The following ABI2 variants were observed in gnomAD, a reference collection of about 807,000 sequenced individuals.
The protein encoded by ABI2 is abl interactor 2.
Under a neutral mutation model 59.2 loss-of-function variants are expected in ABI2, and 25 were observed. That is an observed-to-expected ratio of 0.42 (90% CI 0.31 to 0.59). The LOEUF (loss-of-function observed/expected upper bound fraction) is 0.59. Ranked by LOEUF, ABI2 falls within the 20% of genes least tolerant of loss-of-function variation. The probability of loss-of-function intolerance (pLI) is 0.14; values close to 1 mark genes in which losing one functional copy is unlikely to be tolerated. For missense variants in ABI2, 545 were observed against 681.8 expected (o/e 0.80, Z 2.23); for synonymous variants, 213 against 235.5 (o/e 0.90, Z 0.87).
chr2:203,393,322 T>C (rs2096844864), intron 5 of ABI2, among the ~76,000 whole-genome samples: 1 of 152,264 alleles, frequency 6.6e-6, no homozygotes, highest in South Asian at 2.1e-4. Flanking sequence ...CCCGAAGTGC[T>C]GGGATTACAG....
Position 203,427,467 on chromosome 2 carries a change from T to C in ABI2, c.*115T>C, listed in dbSNP as rs1427447839. ...AATGAAGGATACAAATGATAAAAAT[T>C]ACACTTTTTTTTTTGGTTTATTCCC... is the stretch of plus-strand genomic sequence containing the variant. On this transcript the variant is annotated 3_prime_UTR_variant, in exon 12 of 12. Coordinates refer to ENST00000261018, the MANE Select transcript of ABI2 (RefSeq NM_001375670.1). 5.8e-6 allele frequency: 6 copies of C among 1,026,978 alleles called. No homozygotes were observed. Among genetic ancestry groups the C allele is most frequent in the Non-Finnish European group, 8.2e-6 (6 of 735,660 alleles). The allele number at this position is 1,026,978 out of a possible 1,614,324, so 63.6% of individuals were successfully genotyped here. A position where few individuals can be genotyped will look rare whatever the true frequency, so the allele number is the denominator to read the frequency against.
At chr2:203,343,770 T>C (rs2081474527) in intron 1 of ABI2, among the ~76,000 whole-genome samples, 1 of 152,216 alleles carries the variant, frequency 6.6e-6, no homozygotes. Flanking sequence ...TCATGTCCTC[T>C]TTGGCCACTA....
intron 1 of ABI2, among the ~76,000 whole-genome samples, chr2:203,343,729 A>C (rs2081442765): frequency 6.6e-6 from 1 of 152,232 alleles, no homozygotes; most frequent in African/African-American, 2.4e-5. Context: ...ATTTGCATAT[A>C]GGCTCTTCTG....
At chr2:203,360,963 G>T (rs998805516) in intron 1 of ABI2, among the ~76,000 whole-genome samples, 1 of 152,176 alleles carries the variant, frequency 6.6e-6, no homozygotes, top group Non-Finnish European at 1.5e-5. Context: ...CGTATGCTCT[G>T]TTTATTCAAG....
intron 10 of ABI2, among the ~76,000 whole-genome samples, chr2:203,414,383 T>C (rs977226041): frequency 3.9e-5 from 6 of 152,170 alleles, no homozygotes; most frequent in African/African-American, 1.4e-4. Context: ...ATTACAGGCG[T>C]GAGCCTCCCC....
intron 1 of ABI2, among the ~76,000 whole-genome samples, chr2:203,332,818 T>C (rs964627641): frequency 6.6e-6 from 1 of 152,196 alleles, no homozygotes; most frequent in Non-Finnish European, 1.5e-5. Flanking sequence ...GCCAACTTGT[T>C]GATATGTACG....
intron 2 of ABI2, among the ~76,000 whole-genome samples, chr2:203,368,521 C>A (rs954858187): frequency 6.6e-6 from 1 of 151,994 alleles, no homozygotes; most frequent in East Asian, 1.9e-4. Flanking sequence ...ATTTGTATAA[C>A]TAGACCAAAT....
chr2:203,344,286 A>G (rs965722757), intron 1 of ABI2, among the ~76,000 whole-genome samples: 4 of 152,318 alleles, frequency 2.6e-5, no homozygotes, highest in Non-Finnish European at 2.9e-5. Context: ...TAAAACCCCA[A>G]CAATGCCAGT....
chr2:203,386,536 G>A, intron 4 of ABI2: 2 of 733,464 alleles, frequency 2.7e-6, no homozygotes, highest in Admixed American at 6.5e-5. Flanking sequence ...AATTATTAGG[G>A]AAGTTTCATA....
At chr2:203,329,974 T>A (rs1559132290) in intron 1 of ABI2, among the ~76,000 whole-genome samples, 1 of 152,194 alleles carries the variant, frequency 6.6e-6, no homozygotes, top group East Asian at 1.9e-4. Context: ...TGACTTCAAG[T>A]CATCCACCCA....
intron 1 of ABI2, among the ~76,000 whole-genome samples, chr2:203,337,361 T>C (rs2076925635): frequency 6.6e-6 from 1 of 152,186 alleles, no homozygotes; most frequent in Admixed American, 6.5e-5. Flanking sequence ...CTACAAACGA[T>C]CTGAAAAATT....
intron 10 of ABI2, among the ~76,000 whole-genome samples, chr2:203,412,451 T>G (rs1459284694): frequency 6.6e-6 from 1 of 152,214 alleles, no homozygotes; most frequent in Non-Finnish European, 1.5e-5. Flanking sequence ...AAGGGCTCAG[T>G]GTCTTTCAGC....
In ABI2 at chr2:203,359,358, G is replaced by C. The variant is rs368216381; in HGVS notation, c.118-7519G>C. Among the ~76,000 whole-genome samples the C allele has an allele frequency of 2.6e-5, 4 of 152,150 alleles. 1 individual carries two copies. The highest frequency in any genetic ancestry group is 1.3e-4 in the Admixed American group (2 of 15,286). ...ATTACATTTTCACTTGAGTTCTTAT[G>C]AGTGATGTCTTAATTTAGAGTATTC... On this transcript the variant is annotated intron_variant, in intron 1 of 11. Coordinates refer to ENST00000261018, the MANE Select transcript of ABI2 (RefSeq NM_001375670.1).
chr2:203,389,084 T>C (rs2096644388), intron 4 of ABI2, among the ~76,000 whole-genome samples: 1 of 152,220 alleles, frequency 6.6e-6, no homozygotes, highest in East Asian at 1.9e-4. Flanking sequence ...ATATGCAGTT[T>C]TAAAAGCTAT....
intron 11 of ABI2, among the ~76,000 whole-genome samples, chr2:203,419,455 G>A (rs1422821301): frequency 2.0e-5 from 3 of 149,450 alleles, no homozygotes; most frequent in African/African-American, 2.5e-5. Context: ...TGCAAGCTCC[G>A]ACTACCGGGT....
intron 3 of ABI2, 52 bp from the exon 4 acceptor site, chr2:203,382,137 T>C: frequency 1.4e-6 from 2 of 1,480,866 alleles, no homozygotes; most frequent in Non-Finnish European, 9.0e-7. Flanking sequence ...TCAACTAACC[T>C]TTCAATGCTT....
In ABI2 at chr2:203,428,712, T is replaced by A. The variant is rs551124329; in HGVS notation, c.*1360T>A. ...TCACTACTGTAGTCAGTATAAGAAA[T>A]GCTGAAAAAAATCCAGGAGGGCTTG... On this transcript the variant is annotated 3_prime_UTR_variant, in exon 12 of 12. Coordinates refer to ENST00000261018, the MANE Select transcript of ABI2 (RefSeq NM_001375670.1). 87 of 152,254 alleles carry A rather than the reference T, an allele frequency of 5.7e-4. No homozygotes were observed. The highest frequency in any genetic ancestry group is 1.9e-3 in the African/African-American group (77 of 41,534). The allele number at this position is 152,254 out of a possible 1,614,324, so 9.4% of individuals were successfully genotyped here.
chr2:203,430,032 TA>T lies in ABI2; in HGVS notation c.*2681del, dbSNP rs2098470101. The T allele has an allele frequency of 6.6e-6, 1 of 152,208 alleles. No individual in the cohort carries two copies. Among genetic ancestry groups the T allele is most frequent in the Non-Finnish European group, 1.5e-5 (1 of 68,050 alleles). 9.4% of individuals were successfully genotyped at this position (152,208 alleles called of 1,614,324 possible). A position where few individuals can be genotyped will look rare whatever the true frequency, so the allele number is the denominator to read the frequency against. On this transcript the variant is annotated 3_prime_UTR_variant, in exon 12 of 12. Coordinates refer to ENST00000261018, the MANE Select transcript of ABI2 (RefSeq NM_001375670.1). ...AACAGTACCTTTTGGGTTTTCTGCA[TA>T]TTTTATAATTTTTGTACAGTTTTGA...
chr2:203,380,570 C>T (rs2096055398), intron 3 of ABI2, among the ~76,000 whole-genome samples, 186 bp downstream of exon 3: 2 of 152,050 alleles, frequency 1.3e-5, no homozygotes, highest in South Asian at 2.1e-4. Flanking sequence ...GATGTATTCT[C>T]AAGTTTTAAA....
Sources: gnomAD v4.1 joint callset for allele counts (sites outside exome capture counted in the v4.1 genomes callset) on GRCh38, gnomAD v4.1.1 for gene constraint, MANE v1.5 for transcripts, NCBI Gene and HGNC (gene_info 2026-07-23, HGNC 2026-07-21) for gene names.